The following REV3L variants were observed in gnomAD, a reference collection of about 807,000 sequenced individuals.
REV3L encodes DNA polymerase zeta catalytic subunit.
REV3L carries 69 observed loss-of-function variants against 299.4 expected under a neutral mutation model. The ratio of observed to expected loss-of-function variants is 0.23; its 90% CI spans 0.19 to 0.28. REV3L has a LOEUF of 0.28. Ranked by LOEUF, REV3L falls within the 10% of genes least tolerant of loss-of-function variation. The pLI, the probability that REV3L is intolerant of heterozygous loss-of-function variation, is 1.00. For missense variants in REV3L, 3,128 were observed against 3,693.8 expected (o/e 0.85, Z 3.97); for synonymous variants, 1,238 against 1,271.4 (o/e 0.97, Z 0.56).
intron 1 of REV3L, among the ~76,000 whole-genome samples, chr6:111,424,932 G>T (rs1785988915): frequency 6.6e-6 from 1 of 152,146 alleles, no homozygotes; most frequent in Non-Finnish European, 1.5e-5. Context: ...ATGTCCACCG[G>T]GGGCTTGGAA....
intron 23 of REV3L, 136 bp downstream of exon 23, chr6:111,332,987 G>T: frequency 2.1e-6 from 2 of 966,142 alleles, no homozygotes; most frequent in Non-Finnish European, 1.5e-6. Flanking sequence ...TATAATGAAT[G>T]GATTAGCTGG....
intron 3 of REV3L, among the ~76,000 whole-genome samples, chr6:111,410,264 G>C (rs998162434): frequency 2.0e-5 from 3 of 152,074 alleles, no homozygotes; most frequent in African/African-American, 7.2e-5. Flanking sequence ...TAATAAATCA[G>C]GAATTTTAGA....
intron 1 of REV3L, chr6:111,471,910 T>G (rs557756634): frequency 2.4e-4 from 124 of 516,186 alleles, no homozygotes; most frequent in Non-Finnish European, 3.2e-4. Context: ...GAGGTTGATA[T>G]TTAAGTTGTT....
chr6:111,381,113 A>G (rs958306306), intron 10 of REV3L, among the ~76,000 whole-genome samples: 3 of 152,274 alleles, frequency 2.0e-5, no homozygotes, highest in African/African-American at 7.2e-5. Context: ...ACAGTTAAAA[A>G]AACTATTTTC....
At chr6:111,378,454 G>C (rs368693263) in intron 11 of REV3L, among the ~76,000 whole-genome samples, 36 of 151,932 alleles carry the variant, frequency 2.4e-4, no homozygotes, top group African/African-American at 7.5e-4. Context: ...TATTATACTG[G>C]AACTGTTTTT....
intron 1 of REV3L, among the ~76,000 whole-genome samples, chr6:111,435,721 A>C (rs1787466279): frequency 6.6e-6 from 1 of 152,214 alleles, no homozygotes. Context: ...CTAGAAGAAA[A>C]CATTGGGGAA....
In REV3L at chr6:111,299,684, T is replaced by C. The variant is rs560073028; in HGVS notation, c.*332A>G. On this transcript the variant is annotated 3_prime_UTR_variant, in exon 32 of 32. Transcript: ENST00000368802. Reference sequence around the variant, plus strand: ...GGAAAACACACAAATGCTTTTTCTTTAAGAGGTTTTCAGTGCTCCTTCCAC... The same window carrying C: ...GGAAAACACACAAATGCTTTTTCTTCAAGAGGTTTTCAGTGCTCCTTCCAC... The C allele has an allele frequency of 9.3e-4, 157 of 169,298 alleles. 1 individual carries two copies. In the Middle Eastern group the frequency reaches 0.011, roughly 12 times the overall value. The allele number at this position is 169,298 out of a possible 1,614,324, so 10.5% of individuals were successfully genotyped here. A position where few individuals can be genotyped will look rare whatever the true frequency, so the allele number is the denominator to read the frequency against.
intron 19 of REV3L, among the ~76,000 whole-genome samples, chr6:111,351,067 C>G (rs1324344061): frequency 6.6e-6 from 1 of 152,000 alleles, no homozygotes; most frequent in Admixed American, 6.6e-5. Context: ...GCATTATAAA[C>G]TACAAATAAT....
At chr6:111,358,282 A>G (rs2114982628) in intron 17 of REV3L, among the ~76,000 whole-genome samples, 1 of 152,322 alleles carries the variant, frequency 6.6e-6, no homozygotes, top group South Asian at 2.1e-4. Flanking sequence ...ACCCTCTATC[A>G]GCAGGAAAAT....
At chr6:111,459,484 T>C (rs929206967) in intron 1 of REV3L, among the ~76,000 whole-genome samples, 2 of 151,934 alleles carry the variant, frequency 1.3e-5, no homozygotes, top group African/African-American at 4.8e-5. Flanking sequence ...AGTAAACAGA[T>C]AATCTACAGA....
rs767821292 is a variant in REV3L at position 111,372,703 on chromosome 6, G to C, written c.5652C>G (p.Pro1884=). The stretch of plus-strand genomic sequence containing the variant: ...TTGCCATAATTTCTTCCCTACTTGG[G>C]GGGGACATAAGTGGTTTCAGAATGT... The part of the protein sequence containing the change: ...TANILKPLMS[P]PSREEIMATL... Residue 1884 remains proline, a synonymous_variant, in exon 13 of 32, where the codon CCC becomes CCG. Coordinates refer to ENST00000368802, the MANE Select transcript of REV3L (RefSeq NM_001372078.1). 16 of 1,605,034 alleles carry C rather than the reference G, an allele frequency of 1.0e-5. No homozygotes were observed. The highest frequency in any genetic ancestry group is 9.0e-5 in the South Asian group (8 of 88,950).
At chr6:111,395,442 T>G (rs549773403) in intron 4 of REV3L, among the ~76,000 whole-genome samples, 1 of 152,338 alleles carries the variant, frequency 6.6e-6, no homozygotes, top group Non-Finnish European at 1.5e-5. Flanking sequence ...CTTGGTTAAA[T>G]TTATTACTAT....
intron 31 of REV3L, among the ~76,000 whole-genome samples, chr6:111,303,903 G>A (rs775668799): frequency 6.6e-6 from 1 of 151,360 alleles, no homozygotes; most frequent in Non-Finnish European, 1.5e-5. Flanking sequence ...GTATTTTTTA[G>A]TAGAGCTGGG....
intron 18 of REV3L, among the ~76,000 whole-genome samples, chr6:111,352,316 A>G (rs953034048): frequency 6.6e-6 from 1 of 152,168 alleles, no homozygotes; most frequent in Non-Finnish European, 1.5e-5. Context: ...TAAAGTAAAC[A>G]TAATTTTTAC....
At chr6:111,342,018 A>C (rs1365006086) in intron 21 of REV3L, among the ~76,000 whole-genome samples, 1 of 152,048 alleles carries the variant, frequency 6.6e-6, no homozygotes, top group Non-Finnish European at 1.5e-5. Context: ...AGAAAGGCCT[A>C]CTCTAGATAA....
intron 9 of REV3L, 105 bp downstream of exon 9, chr6:111,387,660 T>A: frequency 8.8e-7 from 1 of 1,137,844 alleles, no homozygotes; most frequent in Non-Finnish European, 1.2e-6. Context: ...CCACAATATT[T>A]ATTTCATAGG....
chr6:111,331,348 A>G (rs949427244), intron 24 of REV3L, among the ~76,000 whole-genome samples: 2 of 152,202 alleles, frequency 1.3e-5, no homozygotes, highest in East Asian at 1.9e-4. Context: ...TGTAGGTAAT[A>G]TATTTTGACC....
chr6:111,393,093 A>G (rs780921024), intron 4 of REV3L, 121 bp from the exon 5 acceptor site: 24 of 600,382 alleles, frequency 4.0e-5, no homozygotes, highest in Non-Finnish European at 5.9e-5. Flanking sequence ...GCTGGAGTAC[A>G]GTGGCGCAAT....
chr6:111,458,974 A>C (rs1790457565), intron 1 of REV3L, among the ~76,000 whole-genome samples: 1 of 152,124 alleles, frequency 6.6e-6, no homozygotes, highest in South Asian at 2.1e-4. Flanking sequence ...CAAACAGCCA[A>C]AGCAATCCTA....
Sources: gnomAD v4.1 joint callset for allele counts (sites outside exome capture counted in the v4.1 genomes callset) on GRCh38, gnomAD v4.1.1 for gene constraint, MANE v1.5 for transcripts, NCBI Gene and HGNC (gene_info 2026-07-23, HGNC 2026-07-21) for gene names.